PIAS1: variants seen among roughly 807,000 people sequenced by gnomAD.
The protein encoded by PIAS1 is E3 SUMO-protein ligase PIAS1.
A neutral mutation model predicts 71.3 loss-of-function variants in PIAS1; 6 were observed. The observed-to-expected ratio is 0.08, with a 90% CI of 0.05 to 0.17. The LOEUF is 0.17. PIAS1 is among the 10% of genes least tolerant of loss of function. The pLI is 1.00. For missense variants in PIAS1, 555 were observed against 793.6 expected (o/e 0.70, Z 3.61); for synonymous variants, 303 against 292.9 (o/e 1.03, Z -0.35).
chr15:68,182,199 G>A (rs1320067375), intron 12 of PIAS1, among the ~76,000 whole-genome samples: 1 of 151,872 alleles, frequency 6.6e-6, no homozygotes, highest in African/African-American at 2.4e-5. Context: ...TGAAATGTCA[G>A]TATACTCATT....
chr15:68,191,010 C>CAT lies in PIAS1; in HGVS notation c.*3177_*3178dup, dbSNP rs2093117087. The CAT allele has an allele frequency of 6.6e-6, 1 of 152,282 alleles. No homozygotes were observed. Among genetic ancestry groups the CAT allele is most frequent in the South Asian group, 2.1e-4 (1 of 4,832 alleles). 9.4% of individuals were successfully genotyped at this position (152,282 alleles called of 1,614,324 possible). Reference sequence around the variant, plus strand: ...TTTTAGACAATTTCAATTTTAAACACATAAAACTTTCAAGATCTTCAGGAC... The same window carrying CAT: ...TTTTAGACAATTTCAATTTTAAACACATATAAAACTTTCAAGATCTTCAGGAC... On this transcript the variant is annotated 3_prime_UTR_variant, in exon 14 of 14. Coordinates refer to ENST00000249636, the MANE Select transcript of PIAS1 (RefSeq NM_016166.3).
At chr15:68,153,436 AATGAATTACTGTTC>A (rs1377794368) in intron 6 of PIAS1, among the ~76,000 whole-genome samples, 140 bp from the exon 7 acceptor site, 1 of 152,180 alleles carries the variant, frequency 6.6e-6, no homozygotes, top group African/African-American at 2.4e-5. Context: ...GTCAGGATTA[AATGAATTACTGTTC>A]ATGAAAACAC....
chr15:68,162,389 G>A (rs1442988790), intron 7 of PIAS1, among the ~76,000 whole-genome samples: 1 of 152,128 alleles, frequency 6.6e-6, no homozygotes, highest in Non-Finnish European at 1.5e-5. Flanking sequence ...AAAGGGTGCT[G>A]GTGGGATGGT....
chr15:68,074,930 CAG>C (rs1418482530), intron 1 of PIAS1, among the ~76,000 whole-genome samples: 7 of 151,182 alleles, frequency 4.6e-5, no homozygotes, highest in Non-Finnish European at 7.4e-5. Context: ...TTTTTAGCCT[CAG>C]AGTTTTGTGA....
intron 1 of PIAS1, chr15:68,055,222 G>C: frequency 6.1e-6 from 6 of 985,190 alleles, no homozygotes; most frequent in Middle Eastern, 5.2e-4. Context: ...CGATGCTGTA[G>C]CTGATGGAGG....
At chr15:68,164,613 G>C in intron 7 of PIAS1, 118 bp from the exon 8 acceptor site, 1 of 513,502 alleles carries the variant, frequency 1.9e-6, no homozygotes. Context: ...CCATTCAATT[G>C]ATTGGGAAAT....
intron 1 of PIAS1, chr15:68,061,447 C>G (rs1217462960): frequency 6.6e-6 from 1 of 152,184 alleles, no homozygotes; most frequent in African/African-American, 2.4e-5. Flanking sequence ...TCAGAGTTTT[C>G]TGGTAAGTCT....
At chr15:68,117,863 A>G (rs1253092532) in intron 2 of PIAS1, among the ~76,000 whole-genome samples, 4 of 152,190 alleles carry the variant, frequency 2.6e-5, no homozygotes, top group Non-Finnish European at 4.4e-5. Flanking sequence ...CTTTGGGTGT[A>G]TATCCAGTAG....
intron 2 of PIAS1, among the ~76,000 whole-genome samples, chr15:68,102,501 G>A (rs1222460040): frequency 6.6e-6 from 1 of 152,182 alleles, no homozygotes; most frequent in African/African-American, 2.4e-5. Flanking sequence ...GATTTTGATA[G>A]GAATTGCATT....
At chr15:68,140,161 T>A (rs1404372400) in intron 2 of PIAS1, among the ~76,000 whole-genome samples, 2 of 152,162 alleles carry the variant, frequency 1.3e-5, no homozygotes, top group Non-Finnish European at 2.9e-5. Context: ...ATTTGTGACA[T>A]AAGAAATAGC....
Position 68,187,525 on chromosome 15 carries a change from T to C in PIAS1, c.1663-17T>C. 2 of 1,606,904 alleles carry C rather than the reference T, an allele frequency of 1.2e-6. No individual in the cohort carries two copies. Among genetic ancestry groups the C allele is most frequent in the Non-Finnish European group, 8.5e-7 (1 of 1,174,470 alleles). On this transcript the variant is annotated splice_polypyrimidine_tract_variant and intron_variant, in intron 13 of 13. Transcript: ENST00000249636. This position sits in a 1 kb window ranked among gnomAD's most constrained non-coding sequence, Gnocchi z 5.3. ...AGTATAATTAACATTTTTGTGTCTT[T>C]TGTTTCCCCTCCCTAGCATTACAAC...
At chr15:68,143,154 T>C (rs1194344596) in intron 4 of PIAS1, among the ~76,000 whole-genome samples, 1 of 152,026 alleles carries the variant, frequency 6.6e-6, no homozygotes, top group African/African-American at 2.4e-5. Context: ...GTCCACACTG[T>C]TGGAATAGGG....
chr15:68,093,311 A>G (rs1479107496), intron 2 of PIAS1, among the ~76,000 whole-genome samples: 1 of 152,264 alleles, frequency 6.6e-6, no homozygotes. Context: ...TACAAGTGCA[A>G]CTAACATAAG....
At chr15:68,094,717 T>C (rs1309672086) in intron 2 of PIAS1, among the ~76,000 whole-genome samples, 2 of 152,200 alleles carry the variant, frequency 1.3e-5, no homozygotes, top group South Asian at 2.1e-4. Context: ...TTCATTCTAC[T>C]CTACTTTTAG....
At chr15:68,089,542 C>T (rs1440398345) in intron 2 of PIAS1, among the ~76,000 whole-genome samples, 1 of 152,112 alleles carries the variant, frequency 6.6e-6, no homozygotes, top group East Asian at 1.9e-4. Flanking sequence ...TGCATGCTCT[C>T]ATAACATTTA....
rs1298085406 is a variant in PIAS1, at chr15:68,189,347, A to G, written c.*1512A>G. 2 of 152,202 alleles carry G rather than the reference A, an allele frequency of 1.3e-5. No homozygotes were observed. Among genetic ancestry groups the G allele is most frequent in the African/African-American group, 4.8e-5 (2 of 41,460 alleles). 9.4% of individuals were successfully genotyped at this position (152,202 alleles called of 1,614,324 possible). On this transcript the variant is annotated 3_prime_UTR_variant, in exon 14 of 14. Coordinates refer to ENST00000249636, the MANE Select transcript of PIAS1 (RefSeq NM_016166.3). ...GTTTAACAGAAGAGATAAGGGGCAT[A>G]ATGACTGCTGGTTTTCCAGACTGGA... is the stretch of plus-strand genomic sequence containing the variant.
At chr15:68,131,032 C>G (rs927002116) in intron 2 of PIAS1, among the ~76,000 whole-genome samples, 1 of 152,084 alleles carries the variant, frequency 6.6e-6, no homozygotes, top group African/African-American at 2.4e-5. Context: ...ATGGAAATGT[C>G]AGACAGTGTG....
chr15:68,067,926 G>A (rs74020020), intron 1 of PIAS1, among the ~76,000 whole-genome samples: 5,006 of 152,248 alleles, frequency 0.033, 192 homozygotes, highest in African/African-American at 0.093. Flanking sequence ...GAGTGAAACA[G>A]TAGTTTTGTA....
At chr15:68,072,991 A>G (rs1177560760) in intron 1 of PIAS1, among the ~76,000 whole-genome samples, 1 of 151,976 alleles carries the variant, frequency 6.6e-6, no homozygotes, top group African/African-American at 2.4e-5. Flanking sequence ...TAATGTCCTT[A>G]TTTGTGAGAG....
Sources: gnomAD v4.1 joint callset for allele counts (sites outside exome capture counted in the v4.1 genomes callset) on GRCh38, gnomAD v4.1.1 for gene constraint, Gnocchi (gnomAD v3.1) non-coding constraint, MANE v1.5 for transcripts, NCBI Gene and HGNC (gene_info 2026-07-23, HGNC 2026-07-21) for gene names.